Variants in SUGCT observed in about 807,000 individuals in gnomAD.
The protein encoded by SUGCT is succinyl-CoA:glutarate CoA-transferase.
In SUGCT, 41 loss-of-function variants were observed where a neutral mutation model predicts 55.0. That is an observed-to-expected ratio of 0.74 (90% CI 0.58 to 0.97). The LOEUF (loss-of-function observed/expected upper bound fraction) is 0.97. SUGCT is among the 50% of genes least tolerant of loss of function. The pLI, the probability that SUGCT is intolerant of heterozygous loss-of-function variation, is 0.00. For synonymous variants in SUGCT, 187 were observed against 200.4 expected (o/e 0.93, Z 0.56); for missense variants, 568 against 547.8 (o/e 1.04, Z -0.37).
chr7:40,910,917 T>C, the SUGCT span, among the ~76,000 whole-genome samples: 1 of 152,232 alleles, frequency 6.6e-6, no homozygotes, highest in Non-Finnish European at 1.5e-5. Flanking sequence ...AATTTTTGAT[T>C]GGTTTGTTAG....
intron 13 of SUGCT, among the ~76,000 whole-genome samples, chr7:40,792,961 G>T (rs1584449546): frequency 6.6e-6 from 1 of 152,148 alleles, no homozygotes; most frequent in East Asian, 1.9e-4. Flanking sequence ...GCACAGTCCA[G>T]CTATTTGTAT....
intron 12 of SUGCT, among the ~76,000 whole-genome samples, chr7:40,535,348 G>A (rs1794304616): frequency 6.6e-6 from 1 of 152,104 alleles, no homozygotes; most frequent in South Asian, 2.1e-4. Context: ...TTCTATTGCT[G>A]CTGTCTTTAT....
the SUGCT span, among the ~76,000 whole-genome samples, chr7:40,946,757 A>G: frequency 6.6e-6 from 1 of 152,116 alleles, no homozygotes; most frequent in African/African-American, 2.4e-5. Flanking sequence ...CAGTACTTCT[A>G]TTGTGTCATT....
intron 12 of SUGCT, among the ~76,000 whole-genome samples, chr7:40,562,474 C>T (rs1214823134): frequency 6.6e-6 from 1 of 151,626 alleles, no homozygotes; most frequent in Non-Finnish European, 1.5e-5. Context: ...AGGTGTAGAT[C>T]TAATGTATTT....
chr7:40,524,220 T>C lies in SUGCT; in HGVS notation c.1089+27834T>C, dbSNP rs1185338463. Among the ~76,000 whole-genome samples, 7 of 152,294 alleles carry C rather than the reference T, an allele frequency of 4.6e-5. No homozygotes were observed. The East Asian group carries it at 1.4e-3, about 29-fold the overall frequency. Reference sequence around the variant, plus strand: ...GTGATTGCTAGCTACTGATTTTATATGTTGATATTGTTTCCAACTGGCTTA... The same window carrying C: ...GTGATTGCTAGCTACTGATTTTATACGTTGATATTGTTTCCAACTGGCTTA... On this transcript the variant is annotated intron_variant, in intron 12 of 13. Coordinates refer to ENST00000335693, the MANE Select transcript of SUGCT (RefSeq NM_001193313.2).
At chr7:41,014,468 A>G in the SUGCT span, among the ~76,000 whole-genome samples, 1 of 152,212 alleles carries the variant, frequency 6.6e-6, no homozygotes, top group East Asian at 1.9e-4. Context: ...GAAGGGGCCT[A>G]TTATAATCAA....
At chr7:40,209,325 CA>C (rs1364402577) in intron 6 of SUGCT, among the ~76,000 whole-genome samples, 7 of 150,644 alleles carry the variant, frequency 4.6e-5, no homozygotes, top group Admixed American at 4.6e-4. Flanking sequence ...GGCCAAATCC[CA>C]TCTCTACTAA....
rs1584368447 is a variant in SUGCT at position 40,741,168 on chromosome 7, G to A, written c.1090-8266G>A. Among the ~76,000 whole-genome samples the A allele has an allele frequency of 2.0e-5, 3 of 151,568 alleles. 1 individual carries two copies. The South Asian group carries it at 6.2e-4, about 32-fold the overall frequency. ...TGGCACAGGCCTGTAATCCCAGCTA[G>A]TCAGGAGGCTGAGGCACGAGAATTG... On this transcript the variant is annotated intron_variant, in intron 12 of 13. Coordinates refer to ENST00000335693, the MANE Select transcript of SUGCT (RefSeq NM_001193313.2).
At chr7:40,850,590 C>T (rs376682127) in intron 13 of SUGCT, among the ~76,000 whole-genome samples, 66 of 151,920 alleles carry the variant, frequency 4.3e-4, no homozygotes, top group Admixed American at 1.8e-3. Flanking sequence ...TCCAACCTCC[C>T]GTGCCTCTTT....
intron 12 of SUGCT, among the ~76,000 whole-genome samples, chr7:40,651,920 GTCATCACTCATTTTA>G (rs1367321242): frequency 6.6e-6 from 1 of 150,944 alleles, no homozygotes; most frequent in East Asian, 1.9e-4. Context: ...TTTTCATTTT[GTCATCACTCATTTTA>G]TTTCATCTTT....
intron 8 of SUGCT, among the ~76,000 whole-genome samples, chr7:40,293,112 A>G (rs1264390882): frequency 1.3e-5 from 2 of 152,026 alleles, no homozygotes; most frequent in South Asian, 4.1e-4. Context: ...TTTTAATTGT[A>G]TGTAGTCATA....
chr7:40,191,673 A>G (rs1309453186), intron 5 of SUGCT, among the ~76,000 whole-genome samples: 1 of 152,256 alleles, frequency 6.6e-6, no homozygotes, highest in Non-Finnish European at 1.5e-5. Flanking sequence ...TGCTGGGATT[A>G]CAGGTGGGAA....
intron 1 of SUGCT, among the ~76,000 whole-genome samples, chr7:40,172,734 C>T (rs542330692): frequency 1.0e-3 from 155 of 152,208 alleles, no homozygotes; most frequent in African/African-American, 3.5e-3. Context: ...CTAGTCAGCC[C>T]TCAGCTTCCC....
At chr7:40,239,570 T>A (rs1373576332) in intron 7 of SUGCT, among the ~76,000 whole-genome samples, 1 of 152,202 alleles carries the variant, frequency 6.6e-6, no homozygotes, top group Non-Finnish European at 1.5e-5. Context: ...AATTTCTATA[T>A]TCAAATGGTA....
chr7:40,170,657 T>C (rs1284383954), intron 1 of SUGCT, among the ~76,000 whole-genome samples: 1 of 151,666 alleles, frequency 6.6e-6, no homozygotes, highest in Non-Finnish European at 1.5e-5. Flanking sequence ...CGCTCACCGA[T>C]GTAGCAGTCC....
chr7:40,790,348 A>T (rs1004936777), intron 13 of SUGCT, among the ~76,000 whole-genome samples: 5 of 152,192 alleles, frequency 3.3e-5, no homozygotes, highest in Non-Finnish European at 5.9e-5. Context: ...CACCATGATT[A>T]TAAGTTTCCT....
At chr7:40,603,211 ACT>A (rs1798371762) in intron 12 of SUGCT, among the ~76,000 whole-genome samples, 1 of 152,178 alleles carries the variant, frequency 6.6e-6, no homozygotes. Context: ...CAAAGTTCAG[ACT>A]CTATATTTAC....
chr7:40,264,527 G>GACTCATGTTCTGTGTGC (rs1174544481), intron 7 of SUGCT, among the ~76,000 whole-genome samples: 20 of 152,160 alleles, frequency 1.3e-4, no homozygotes, highest in African/African-American at 4.3e-4. Context: ...TGACTGTGAG[G>GACTCATGTTCTGTGTGC]ACTCATGTTC....
intron 12 of SUGCT, among the ~76,000 whole-genome samples, chr7:40,519,122 C>G (rs1449794288): frequency 6.6e-6 from 1 of 152,028 alleles, no homozygotes; most frequent in Non-Finnish European, 1.5e-5. Context: ...TAACCTCAAT[C>G]TAATCGTGAG....
Sources: gnomAD v4.1 joint callset for allele counts (sites outside exome capture counted in the v4.1 genomes callset) on GRCh38, gnomAD v4.1.1 for gene constraint, MANE v1.5 for transcripts, NCBI Gene and HGNC (gene_info 2026-07-23, HGNC 2026-07-21) for gene names.